CUL5: variants seen among roughly 807,000 people sequenced by gnomAD.
The protein encoded by CUL5 is cullin-5.
A neutral mutation model predicts 108.8 loss-of-function variants in CUL5; 26 were observed. That is an observed-to-expected ratio of 0.24 (90% CI 0.18 to 0.33). The LOEUF (loss-of-function observed/expected upper bound fraction) is 0.33, where lower values mean the gene tolerates loss of function less well. Ranked by LOEUF, CUL5 falls within the 10% of genes least tolerant of loss-of-function variation. The pLI is 1.00. For synonymous variants in CUL5, 334 were observed against 298.0 expected (o/e 1.12, Z -1.25); for missense variants, 524 against 909.2 (o/e 0.58, Z 5.45).
At chr11:108,051,785 A>G (rs12421527) in intron 4 of CUL5, among the ~76,000 whole-genome samples, 17,449 of 152,220 alleles carry the variant, frequency 0.11, 1,148 homozygotes, top group Non-Finnish European at 0.15. Flanking sequence ...ACACACCAAT[A>G]TATCTGAAAT....
intron 2 of CUL5, among the ~76,000 whole-genome samples, chr11:108,039,583 C>T (rs1003559609): frequency 1.3e-5 from 2 of 152,216 alleles, no homozygotes; most frequent in African/African-American, 2.4e-5. Flanking sequence ...ATTCCCCAAA[C>T]GCTTCATCAT....
chr11:108,056,922 C>T (rs1863394112), intron 7 of CUL5, among the ~76,000 whole-genome samples: 1 of 152,004 alleles, frequency 6.6e-6, no homozygotes, highest in Non-Finnish European at 1.5e-5. Context: ...TGTGCTGCTA[C>T]TGAGAGATTA....
chr11:108,098,046 T>G (rs965279631), intron 17 of CUL5, among the ~76,000 whole-genome samples: 1 of 152,146 alleles, frequency 6.6e-6, no homozygotes, highest in Non-Finnish European at 1.5e-5. Context: ...GTTTTTTGTG[T>G]TGTTTTGTTT....
At chr11:108,016,881 T>C (rs751647193) in intron 1 of CUL5, among the ~76,000 whole-genome samples, 4 of 152,016 alleles carry the variant, frequency 2.6e-5, no homozygotes, top group Non-Finnish European at 4.4e-5. Context: ...GCCCAACACT[T>C]TGGAAAGCAG....
intron 1 of CUL5, among the ~76,000 whole-genome samples, chr11:108,018,644 C>T (rs1387043804): frequency 6.6e-6 from 1 of 152,056 alleles, no homozygotes; most frequent in Admixed American, 6.5e-5. Context: ...CATTGCACTC[C>T]AGCCTGGGTG....
At chr11:108,038,311 T>C (rs1862797434) in intron 2 of CUL5, among the ~76,000 whole-genome samples, 1 of 152,178 alleles carries the variant, frequency 6.6e-6, no homozygotes, top group Admixed American at 6.6e-5. Context: ...AAAAGGAGCA[T>C]AGCCCTACTA....
At chr11:108,053,862 T>C (rs1161883162) in intron 5 of CUL5, among the ~76,000 whole-genome samples, 1 of 151,924 alleles carries the variant, frequency 6.6e-6, no homozygotes, top group Non-Finnish European at 1.5e-5. Context: ...TCTTTTTTTT[T>C]CTTTTTTTGA....
chr11:108,056,767 G>A (rs1291623032), intron 7 of CUL5, among the ~76,000 whole-genome samples: 1 of 152,158 alleles, frequency 6.6e-6, no homozygotes, highest in Non-Finnish European at 1.5e-5. Flanking sequence ...GTATTAGGCA[G>A]ACCAAGTAGA....
chr11:108,044,658 A>G (rs1037523395), intron 2 of CUL5, among the ~76,000 whole-genome samples: 2 of 152,164 alleles, frequency 1.3e-5, no homozygotes, highest in Non-Finnish European at 1.5e-5. Context: ...TGAATGAATG[A>G]TTCTTCACTA....
At chr11:108,089,181 A>G (rs1459241615) in intron 12 of CUL5, among the ~76,000 whole-genome samples, 2 of 152,218 alleles carry the variant, frequency 1.3e-5, no homozygotes, top group Non-Finnish European at 2.9e-5. Context: ...AGTGAAAAAG[A>G]TAAGTAGAAG....
intron 7 of CUL5, among the ~76,000 whole-genome samples, chr11:108,066,856 A>G (rs1332740886): frequency 6.6e-6 from 1 of 152,228 alleles, no homozygotes; most frequent in Non-Finnish European, 1.5e-5. Flanking sequence ...ACATCTGTAC[A>G]TATGAACCAT....
intron 18 of CUL5, among the ~76,000 whole-genome samples, chr11:108,103,001 G>T (rs1397993842): frequency 6.6e-6 from 1 of 152,002 alleles, no homozygotes; most frequent in East Asian, 1.9e-4. Context: ...TCGCCATGTT[G>T]CCCAGGCTGT....
In CUL5 at chr11:108,106,704, C is replaced by G. The variant is rs1864811903; in HGVS notation, c.*2320C>G. The G allele has an allele frequency of 1.3e-5, 2 of 151,248 alleles. No individual in the cohort carries two copies. The highest frequency in any genetic ancestry group is 2.1e-4 in the South Asian group (1 of 4,768). 9.4% of individuals were successfully genotyped at this position (151,248 alleles called of 1,614,324 possible). A position where few individuals can be genotyped will look rare whatever the true frequency, so the allele number is the denominator to read the frequency against. ...AAAATGAAAAAAAAAATCTTACCAG[C>G]AGTTTGTAAAGGTCTGGAATCACAG... On this transcript the variant is annotated 3_prime_UTR_variant, in exon 19 of 19. Coordinates refer to ENST00000393094, the MANE Select transcript of CUL5 (RefSeq NM_003478.6).
chr11:108,026,920 C>T (rs1247073931), intron 1 of CUL5, among the ~76,000 whole-genome samples: 2 of 144,948 alleles, frequency 1.4e-5, no homozygotes, highest in South Asian at 2.2e-4. Context: ...ACTTGGGAGG[C>T]GGAGGTTGCA....
chr11:108,073,345 A>T (rs1565258692), intron 9 of CUL5, 45 bp from the exon 10 acceptor site: 1 of 844,344 alleles, frequency 1.2e-6, no homozygotes, highest in Admixed American at 2.6e-5. Context: ...TTTTTGTGTT[A>T]TTCTTTTTCT....
At chr11:108,057,100 G>T (rs186115213) in intron 7 of CUL5, among the ~76,000 whole-genome samples, 1 of 152,240 alleles carries the variant, frequency 6.6e-6, no homozygotes, top group Admixed American at 6.5e-5. Context: ...TCATATCATA[G>T]CCACATTAAA....
intron 1 of CUL5, among the ~76,000 whole-genome samples, chr11:108,021,250 G>A (rs995376167): frequency 2.0e-5 from 3 of 152,080 alleles, no homozygotes; most frequent in East Asian, 3.9e-4. Context: ...TCAGTATGGC[G>A]GGAACTTCAC....
At chr11:108,080,519 C>T (rs1864052737) in intron 11 of CUL5, among the ~76,000 whole-genome samples, 1 of 152,180 alleles carries the variant, frequency 6.6e-6, no homozygotes, top group Admixed American at 6.5e-5. Flanking sequence ...CCTCAGCCTC[C>T]TGAGTAGCTG....
At chr11:108,025,586 G>A (rs1862433322) in intron 1 of CUL5, among the ~76,000 whole-genome samples, 1 of 152,126 alleles carries the variant, frequency 6.6e-6, no homozygotes, top group South Asian at 2.1e-4. Flanking sequence ...GCACTTTAAA[G>A]GGTGTTTCCA....
Sources: allele counts gnomAD v4.1 joint callset (sites outside exome capture counted in the v4.1 genomes callset), GRCh38; gene constraint gnomAD v4.1.1; transcripts MANE v1.5; gene names NCBI Gene and HGNC (gene_info 2026-07-23, HGNC 2026-07-21).